CRB1: variants seen among roughly 807,000 people sequenced by gnomAD.
CRB1 encodes crumbs cell polarity complex component 1, also known as protein crumbs homolog 1.
CRB1 carries 83 observed loss-of-function variants against 120.0 expected under a neutral mutation model. The ratio of observed to expected loss-of-function variants is 0.69; its 90% confidence interval spans 0.58 to 0.83. The LOEUF is 0.83. Ranked by LOEUF, CRB1 falls within the 40% of genes least tolerant of loss-of-function variation. The pLI, the probability that CRB1 is intolerant of heterozygous loss-of-function variation, is 0.00. For missense variants in CRB1, 1,699 were observed against 1,687.6 expected, an observed-to-expected ratio of 1.01 and a Z score of -0.12; for synonymous variants, 625 against 612.5, an observed-to-expected ratio of 1.02 and a Z score of -0.30.
the CRB1 span, among the ~76,000 whole-genome samples, chr1:197,259,613 G>A: frequency 6.6e-6 from 1 of 152,158 alleles, no homozygotes; most frequent in Non-Finnish European, 1.5e-5. Context: ...GTTGATTGGT[G>A]CAGCAAACCA....
At chr1:197,362,319 A>C (rs1397222791) in intron 5 of CRB1, among the ~76,000 whole-genome samples, 1 of 152,138 alleles carries the variant, frequency 6.6e-6, no homozygotes. Flanking sequence ...AAAAATTAAA[A>C]AACAACATGT....
intron 1 of CRB1, among the ~76,000 whole-genome samples, chr1:197,300,412 A>T (rs945413051): frequency 6.6e-6 from 1 of 151,972 alleles, no homozygotes; most frequent in Non-Finnish European, 1.5e-5. Flanking sequence ...AGATGGTGAA[A>T]GTTTGAGTGG....
intron 11 of CRB1, among the ~76,000 whole-genome samples, chr1:197,453,306 T>A (rs1393083020): frequency 5.5e-5 from 1 of 18,322 alleles, no homozygotes; most frequent in East Asian, 5.3e-3. Context: ...TATATAAGTA[T>A]ATATATTTAT....
intron 5 of CRB1, among the ~76,000 whole-genome samples, chr1:197,370,812 G>C (rs2125381910): frequency 6.6e-6 from 1 of 152,186 alleles, no homozygotes; most frequent in Non-Finnish European, 1.5e-5. Context: ...CTCAGTCACT[G>C]ATTACCTTAA....
chr1:197,477,610 T>G, intron 11 of CRB1, 54 bp from the exon 12 acceptor site: 1 of 1,543,772 alleles, frequency 6.5e-7, no homozygotes, highest in Non-Finnish European at 9.0e-7. Context: ...TTGTCCTGAA[T>G]ATTTATTTGC....
At chr1:197,467,165 T>C (rs1302182301) in intron 11 of CRB1, among the ~76,000 whole-genome samples, 1 of 152,216 alleles carries the variant, frequency 6.6e-6, no homozygotes, top group Non-Finnish European at 1.5e-5. Context: ...TTATAAAAAT[T>C]GTTTGTTAAA....
intron 1 of CRB1, among the ~76,000 whole-genome samples, chr1:197,301,804 G>A (rs1656878144): frequency 6.6e-6 from 1 of 152,006 alleles, no homozygotes; most frequent in South Asian, 2.1e-4. Flanking sequence ...AGGAGAAGTA[G>A]AATTAGAAGT....
chr1:197,216,361 C>G, the CRB1 span, among the ~76,000 whole-genome samples: 1 of 152,140 alleles, frequency 6.6e-6, no homozygotes, highest in Non-Finnish European at 1.5e-5. Flanking sequence ...CTATTTACAG[C>G]TGTATCCTTA....
the CRB1 span, among the ~76,000 whole-genome samples, chr1:197,210,287 T>C: frequency 1.3e-5 from 2 of 152,206 alleles, no homozygotes; most frequent in South Asian, 4.1e-4. Flanking sequence ...GGGTGTTTTA[T>C]ATGTGATTAA....
At chr1:197,275,134 C>T (rs1233316367) in intron 1 of CRB1, among the ~76,000 whole-genome samples, 2 of 151,932 alleles carry the variant, frequency 1.3e-5, no homozygotes, top group Non-Finnish European at 2.9e-5. Context: ...ATCTGTCTAC[C>T]TCTCTTCTAT....
intron 5 of CRB1, among the ~76,000 whole-genome samples, chr1:197,385,994 T>A (rs1307903843): frequency 6.6e-6 from 1 of 152,076 alleles, no homozygotes; most frequent in Admixed American, 6.6e-5. Flanking sequence ...AAGTTGTTGA[T>A]CTTTATTCTT....
rs1332974163 is a variant in CRB1 at position 197,443,455 on chromosome 1, T to A, written c.4005+1163T>A. 4.6e-5 allele frequency: 7 copies of A among 152,178 alleles called. No individual in the cohort carries two copies. In the East Asian group the frequency reaches 1.4e-3, roughly 29 times the overall value. The allele number at this position is 152,178 out of a possible 1,614,324, so 9.4% of individuals were successfully genotyped here. ...ACAATTTTTCTGTTGTTTCTAAATTTATGAGCTCCTTGACTTTTCTATCAA... is the reference window on the plus strand; with the variant it reads ...ACAATTTTTCTGTTGTTTCTAAATTAATGAGCTCCTTGACTTTTCTATCAA... On this transcript the variant is annotated intron_variant, in intron 11 of 11. Coordinates refer to ENST00000367400, the MANE Select transcript of CRB1 (RefSeq NM_201253.3).
At chr1:197,454,320 TAAATA>T (rs1231999017) in intron 11 of CRB1, among the ~76,000 whole-genome samples, 2 of 152,030 alleles carry the variant, frequency 1.3e-5, no homozygotes, top group Non-Finnish European at 2.9e-5. Flanking sequence ...GGAGGAAAAA[TAAATA>T]AAATAAGAAA....
At chr1:197,390,379 C>T (rs1447887775) in intron 5 of CRB1, among the ~76,000 whole-genome samples, 3 of 152,046 alleles carry the variant, frequency 2.0e-5, no homozygotes, top group South Asian at 2.1e-4. Context: ...CATATGCCCT[C>T]GCTTAGTGCC....
chr1:197,404,284 G>C (rs999820227), intron 5 of CRB1, among the ~76,000 whole-genome samples: 1 of 151,962 alleles, frequency 6.6e-6, no homozygotes, highest in Non-Finnish European at 1.5e-5. Context: ...CCACGTCTCT[G>C]TACTTTCCTA....
chr1:197,297,603 G>A (rs545021595), intron 1 of CRB1, among the ~76,000 whole-genome samples: 2 of 152,236 alleles, frequency 1.3e-5, no homozygotes, highest in Admixed American at 1.3e-4. Flanking sequence ...GCTGAGGAAA[G>A]AGGGATGTGC....
At chr1:197,231,815 C>T in the CRB1 span, among the ~76,000 whole-genome samples, 1 of 152,118 alleles carries the variant, frequency 6.6e-6, no homozygotes, top group Non-Finnish European at 1.5e-5. Context: ...AGCAGTAGCT[C>T]TCTTCTGTAG....
intron 5 of CRB1, among the ~76,000 whole-genome samples, chr1:197,390,349 T>C (rs1397867954): frequency 6.6e-6 from 1 of 152,022 alleles, no homozygotes; most frequent in East Asian, 1.9e-4. Context: ...AATGGATGAA[T>C]AGACAGCAGA....
chr1:197,252,568 A>G, the CRB1 span, among the ~76,000 whole-genome samples: 15 of 46,900 alleles, frequency 3.2e-4, no homozygotes, highest in South Asian at 2.8e-3. Context: ...ATATATATAT[A>G]TATATATATA....
Sources: gnomAD v4.1 joint callset for allele counts (sites outside exome capture counted in the v4.1 genomes callset) on GRCh38, gnomAD v4.1.1 for gene constraint, MANE v1.5 for transcripts, NCBI Gene and HGNC (gene_info 2026-07-23, HGNC 2026-07-21) for gene names.